Variants in EYS observed in about 807,000 individuals in gnomAD.
EYS encodes protein eyes shut homolog.
Under a neutral mutation model 282.1 loss-of-function variants are expected in EYS, and 250 were observed. The ratio of observed to expected loss-of-function variants is 0.89; its 90% CI spans 0.80 to 0.98. The LOEUF (loss-of-function observed/expected upper bound fraction) is 0.98. Ranked by LOEUF, EYS falls within the 50% of genes least tolerant of loss-of-function variation. The pLI, the probability that EYS is intolerant of heterozygous loss-of-function variation, is 0.00. For missense variants in EYS, 4,016 were observed against 3,709.0 expected, an observed-to-expected ratio of 1.08 and a Z score of -2.15; for synonymous variants, 1,355 against 1,282.9, an observed-to-expected ratio of 1.06 and a Z score of -1.20.
intron 26 of EYS, among the ~76,000 whole-genome samples, chr6:64,526,466 TA>T (rs529045579): frequency 4.3e-4 from 66 of 151,946 alleles, no homozygotes; most frequent in African/African-American, 1.3e-3. Context: ...TTTATTCATT[TA>T]AAAAAATTAT....
At chr6:64,220,334 G>A (rs1766060873) in intron 31 of EYS, among the ~76,000 whole-genome samples, 1 of 152,130 alleles carries the variant, frequency 6.6e-6, no homozygotes, top group African/African-American at 2.4e-5. Context: ...TTCACCAGGA[G>A]AATGGGAATA....
rs1768535944 is a variant in EYS, at chr6:65,443,733, CATATACACATATATACACATACGT to C, written c.863-38390_863-38367del. ...ATATACACATATATACACATACGTG[CATATACACATATATACACATACGT>C]GCATATACACATATATTCATATATA... On this transcript the variant is annotated intron_variant, in intron 5 of 42. Transcript: ENST00000503581. 4.7e-5 allele frequency among the ~76,000 whole-genome samples: 7 copies of C among 150,464 alleles called. No individual in the cohort carries two copies. The South Asian group carries it at 1.5e-3, about 32-fold the overall frequency.
At chr6:63,787,197 G>A (rs1256731996) in intron 39 of EYS, 1 of 152,208 alleles carries the variant, frequency 6.6e-6, no homozygotes, top group African/African-American at 2.4e-5. Flanking sequence ...AGCTCTGTGT[G>A]TGCTGATCTC....
chr6:65,529,071 A>G (rs1767670981), intron 2 of EYS, among the ~76,000 whole-genome samples: 1 of 152,116 alleles, frequency 6.6e-6, no homozygotes, highest in African/African-American at 2.4e-5. Flanking sequence ...ATCAAAATTA[A>G]CCGCCATCTT....
intron 1 of EYS, among the ~76,000 whole-genome samples, chr6:65,704,706 A>G (rs1357844046): frequency 6.6e-6 from 1 of 152,200 alleles, no homozygotes; most frequent in Non-Finnish European, 1.5e-5. Flanking sequence ...AGTTAGCACC[A>G]TGAATTTAGT....
At chr6:64,601,380 C>T (rs1766755512) in intron 24 of EYS, among the ~76,000 whole-genome samples, 2 of 151,864 alleles carry the variant, frequency 1.3e-5, no homozygotes, top group Admixed American at 6.6e-5. Flanking sequence ...CTGATTCAGT[C>T]TCTCCATTCT....
At chr6:65,326,231 G>A (rs1350364435) in intron 11 of EYS, among the ~76,000 whole-genome samples, 5 of 151,444 alleles carry the variant, frequency 3.3e-5, no homozygotes, top group South Asian at 2.1e-4. Context: ...CTTGTGTCAC[G>A]TTTAGAAAAG....
intron 22 of EYS, among the ~76,000 whole-genome samples, chr6:64,740,555 A>G (rs745418181): frequency 6.6e-6 from 1 of 152,160 alleles, no homozygotes; most frequent in Non-Finnish European, 1.5e-5. Context: ...AGGAGAGACC[A>G]TAGAGCACCT....
intron 31 of EYS, among the ~76,000 whole-genome samples, chr6:64,185,553 A>G (rs1484031652): frequency 1.3e-5 from 2 of 152,210 alleles, no homozygotes; most frequent in Non-Finnish European, 2.9e-5. Context: ...CGGAAAGGCT[A>G]CTGCCTACTA....
At chr6:63,755,364 C>A (rs556108218) in intron 41 of EYS, among the ~76,000 whole-genome samples, 2 of 152,282 alleles carry the variant, frequency 1.3e-5, no homozygotes, top group South Asian at 4.1e-4. Context: ...CCAGTTTTCC[C>A]AGAACCATTT....
At chr6:64,749,598 A>T in intron 22 of EYS, among the ~76,000 whole-genome samples, 1 of 152,220 alleles carries the variant, frequency 6.6e-6, no homozygotes, top group Admixed American at 6.5e-5. Context: ...TAATTCAACG[A>T]CTATTCTAAA....
intron 5 of EYS, among the ~76,000 whole-genome samples, chr6:65,418,919 G>A (rs1767348574): frequency 6.6e-6 from 1 of 151,930 alleles, no homozygotes; most frequent in East Asian, 1.9e-4. Flanking sequence ...GGACAGTGAA[G>A]CCTCTCTACA....
intron 29 of EYS, among the ~76,000 whole-genome samples, chr6:64,374,235 A>C: frequency 9.2e-6 from 1 of 108,978 alleles, no homozygotes. Flanking sequence ...TGTGGGGGTT[A>C]GGGCCTGGGG....
At chr6:64,615,799 G>T (rs1456466606) in intron 24 of EYS, among the ~76,000 whole-genome samples, 1 of 152,046 alleles carries the variant, frequency 6.6e-6, no homozygotes, top group Non-Finnish European at 1.5e-5. Flanking sequence ...GAGAATGGTT[G>T]CAAAACTATC....
chr6:63,865,702 C>T (rs1772655431), intron 35 of EYS, among the ~76,000 whole-genome samples: 1 of 152,126 alleles, frequency 6.6e-6, no homozygotes, highest in South Asian at 2.1e-4. Context: ...TTTCTCAATA[C>T]CTTCCTCATG....
intron 2 of EYS, among the ~76,000 whole-genome samples, chr6:65,560,275 TA>T (rs1172556335): frequency 1.4e-5 from 2 of 144,248 alleles, no homozygotes; most frequent in Non-Finnish European, 3.0e-5. Flanking sequence ...ATATAACATA[TA>T]ACATATTATT....
chr6:65,409,147 A>G (rs550444520), intron 5 of EYS, among the ~76,000 whole-genome samples: 172 of 152,322 alleles, frequency 1.1e-3, no homozygotes, highest in African/African-American at 4.0e-3. Flanking sequence ...TACACTATCA[A>G]CAGCAGAGTT....
intron 12 of EYS, among the ~76,000 whole-genome samples, chr6:65,146,928 C>A (rs1764493829): frequency 6.6e-6 from 1 of 151,946 alleles, no homozygotes; most frequent in Admixed American, 6.6e-5. Context: ...ATGGTGACAT[C>A]ATTTAATGCT....
chr6:63,726,789 G>T (rs1432465921), intron 41 of EYS, 109 bp from the exon 42 acceptor site: 2 of 1,011,126 alleles, frequency 2.0e-6, no homozygotes, highest in Non-Finnish European at 2.9e-6. Context: ...AGGATTTATC[G>T]CCCAAGAGTT....
Sources: gnomAD v4.1 joint callset for allele counts (sites outside exome capture counted in the v4.1 genomes callset) on GRCh38, gnomAD v4.1.1 for gene constraint, MANE v1.5 for transcripts, NCBI Gene and HGNC (gene_info 2026-07-23, HGNC 2026-07-21) for gene names.